The following SMIM7 variants were observed in gnomAD, a reference collection of about 807,000 sequenced individuals.
SMIM7 encodes the protein UPF0608 protein C19orf42.
SMIM7 carries 12 observed loss-of-function variants against 13.3 expected under a neutral mutation model. The observed-to-expected ratio is 0.90, with a 90% confidence interval of 0.58 to 1.46. The LOEUF (loss-of-function observed/expected upper bound fraction) is 1.46. Among genes scored for constraint, SMIM7 ranks in the 40% most tolerant of loss-of-function variants. The probability of loss-of-function intolerance (pLI) is 0.00; values close to 1 mark genes in which losing one functional copy is unlikely to be tolerated. For missense variants in SMIM7, 114 were observed against 94.8 expected, an observed-to-expected ratio of 1.20 and a Z score of -0.84; for synonymous variants, 36 against 35.8, an observed-to-expected ratio of 1.01 and a Z score of -0.02.
At chr19:16,659,074 G>C in intron 3 of SMIM7, 1 of 374,568 alleles carries the variant, frequency 2.7e-6, no homozygotes, top group Non-Finnish European at 5.0e-6. Context: ...CTTGAACCCA[G>C]GAGTTCGAGA....
rs1019406784 is a variant in SMIM7 at position 16,647,132 on chromosome 19, C to T, written c.*114G>A. 6 of 1,436,992 alleles carry T rather than the reference C, an allele frequency of 4.2e-6. No individual in the cohort carries two copies. Among genetic ancestry groups the T allele is most frequent in the South Asian group, 1.2e-5 (1 of 84,638 alleles). The allele number at this position is 1,436,992 out of a possible 1,614,324, so 89.0% of individuals were successfully genotyped here. A position where few individuals can be genotyped will look rare whatever the true frequency, so the allele number is the denominator to read the frequency against. ...CTTTTCCACCCACCACGAGCTTGGA[C>T]TTTCTGGGAAGGTTGTCGGTTTTCT... On this transcript the variant is annotated 3_prime_UTR_variant, in exon 5 of 5. Coordinates refer to ENST00000487416, the MANE Select transcript of SMIM7 (RefSeq NM_024104.4).
At chr19:16,641,928 T>G (rs1028530538), downstream of SMIM7, among the ~76,000 whole-genome samples, 3 of 152,228 alleles carry the variant, frequency 2.0e-5, no homozygotes, top group African/African-American at 7.2e-5. Flanking sequence ...AGACATGCCC[T>G]CTGGGCTGTA....
chr19:16,652,770 G>C, intron 4 of SMIM7: 1 of 1,503,808 alleles, frequency 6.6e-7, no homozygotes. Context: ...ACTCAGGACA[G>C]ACAACTTTTT....
At position 16,654,023 on chromosome 19, in the gene SMIM7, G is replaced by A; in HGVS notation, c.212+12C>T. On this transcript the variant is annotated intron_variant, in intron 4 of 4. Transcript: ENST00000487416. ...GAGACGACAGTGAAAGGAAAGGGCA[G>A]GCTGGACTCACACAATCATGCAGAA... 1.2e-6 allele frequency: 2 copies of A among 1,612,144 alleles called. No homozygotes were observed. The highest frequency in any genetic ancestry group is 2.2e-5 in the South Asian group (2 of 90,852).
At chr19:16,655,318 T>G in intron 3 of SMIM7, 1 of 456,154 alleles carries the variant, frequency 2.2e-6, no homozygotes, top group Non-Finnish European at 4.4e-6. Flanking sequence ...GAGACCTGGG[T>G]TCTAGACCCT....
At chr19:16,637,656 C>T (rs1182801882) in intron 4 of SMIM7, among the ~76,000 whole-genome samples, 1 of 152,186 alleles carries the variant, frequency 6.6e-6, no homozygotes, top group Non-Finnish European at 1.5e-5. Context: ...ACACAAATGC[C>T]TTCCTCTGCA....
intron 4 of SMIM7, chr19:16,652,869 C>T: frequency 1.3e-6 from 2 of 1,550,520 alleles, no homozygotes; most frequent in Non-Finnish European, 1.7e-6. Context: ...TTCCTAAATC[C>T]ATTTACAGCA....
rs748697754 is a variant in SMIM7, at chr19:16,659,984, C to G, written c.43G>C (p.Ala15Pro). Residue 15 changes from alanine (A) to proline (P), a missense_variant, in exon 2 of 5, where the codon GCC becomes CCC. By Grantham distance (27) the Ala-to-Pro change is conservative (BLOSUM62 -1). Coordinates refer to ENST00000487416, the MANE Select transcript of SMIM7 (RefSeq NM_024104.4). ...AGCTTAAAGTTCAGCACCGCCCCGG[C>G]ATTCATCAGCAACGTCCTGCAGAGG... ...ILLFGTLLMN[A>P]GAVLNFKLKK... The G allele has an allele frequency of 8.1e-6, 13 of 1,613,692 alleles. No individual in the cohort carries two copies. Among genetic ancestry groups the G allele is most frequent in the Non-Finnish European group, 1.0e-5 (12 of 1,179,874 alleles).
At chr19:16,638,590 G>A (rs2086378737) in intron 4 of SMIM7, among the ~76,000 whole-genome samples, 2 of 152,020 alleles carry the variant, frequency 1.3e-5, no homozygotes, top group South Asian at 4.1e-4. Flanking sequence ...TTACAGGCAT[G>A]AGCCACCGTG....
chr19:16,654,421 G>C (rs2086570793), intron 3 of SMIM7, among the ~76,000 whole-genome samples: 1 of 152,204 alleles, frequency 6.6e-6, no homozygotes, highest in Non-Finnish European at 1.5e-5. Context: ...CAACTACTGG[G>C]AAAGAGATAC....
chr19:16,644,347 C>T (rs969001065), downstream of SMIM7, among the ~76,000 whole-genome samples: 3 of 151,510 alleles, frequency 2.0e-5, no homozygotes, highest in South Asian at 6.2e-4. Context: ...GTCTCGAACT[C>T]CTGACCACAG....
chr19:16,633,058 T>C (rs2086333212), intron 4 of SMIM7, among the ~76,000 whole-genome samples: 2 of 152,082 alleles, frequency 1.3e-5, no homozygotes, highest in Non-Finnish European at 2.9e-5. Context: ...TTCCCCACAA[T>C]GGGAAGGTTA....
intron 3 of SMIM7, chr19:16,655,140 T>C (rs755149820): frequency 7.7e-5 from 26 of 339,086 alleles, no homozygotes; most frequent in Admixed American, 5.2e-4. Flanking sequence ...ATGTTTCAAT[T>C]TGCTTTAACC....
At chr19:16,659,158 C>T (rs1368850553) in intron 3 of SMIM7, 9 of 585,572 alleles carry the variant, frequency 1.5e-5, no homozygotes, top group Non-Finnish European at 2.4e-5. Flanking sequence ...TGGCACACAC[C>T]TGTAATCCCA....
chr19:16,657,063 A>G (rs2086605366), intron 3 of SMIM7, among the ~76,000 whole-genome samples: 1 of 152,132 alleles, frequency 6.6e-6, no homozygotes, highest in Admixed American at 6.5e-5. Context: ...TGCACTATCT[A>G]TGTGCATTCC....
At chr19:16,636,755 C>T (rs1458186531) in intron 4 of SMIM7, among the ~76,000 whole-genome samples, 1 of 151,920 alleles carries the variant, frequency 6.6e-6, no homozygotes, top group African/African-American at 2.4e-5. Flanking sequence ...AGTTCAAGAC[C>T]AGCCTGGGCA....
In SMIM7 at chr19:16,649,316, G is replaced by A. The variant is rs149927047; in HGVS notation, c.213-2055C>T. Among the ~76,000 whole-genome samples, 429 of 152,264 alleles carry A rather than the reference G, an allele frequency of 2.8e-3. 2 individuals carry two copies. Among genetic ancestry groups the A allele is most frequent in the African/African-American group, 9.5e-3 (394 of 41,558 alleles). On this transcript the variant is annotated intron_variant, in intron 4 of 4. Transcript: ENST00000487416. ...GTTTCAGCCAGGCGCAGTGGTTCAC[G>A]CCTATAATCCCAGCACTTTGGGAGG...
intron 3 of SMIM7, 89 bp downstream of exon 3, chr19:16,659,306 A>T: frequency 3.2e-4 from 272 of 851,800 alleles, no homozygotes; most frequent in Non-Finnish European, 4.6e-4. Context: ...AAAAAAAAAG[A>T]GAAAGAAAGA....
rs746372765 is a variant in SMIM7, at chr19:16,660,138, C to G, written c.-28G>C. The G allele has an allele frequency of 4.8e-5, 78 of 1,613,788 alleles. No homozygotes were observed. Among genetic ancestry groups the G allele is most frequent in the Middle Eastern group, 3.3e-4 (2 of 6,084 alleles). On this transcript the variant is annotated 5_prime_UTR_variant, in exon 1 of 5. Coordinates refer to ENST00000487416, the MANE Select transcript of SMIM7 (RefSeq NM_024104.4). Reference sequence around the variant, plus strand: ...TTACGGCCGAAGCGTCCGTCAGAACCGGAAGCGGAAGCCCCAGGGAGGGAG... The same window carrying G: ...TTACGGCCGAAGCGTCCGTCAGAACGGGAAGCGGAAGCCCCAGGGAGGGAG...
Sources: allele counts gnomAD v4.1 joint callset (sites outside exome capture counted in the v4.1 genomes callset), GRCh38; gene constraint gnomAD v4.1.1; transcripts MANE v1.5; gene names NCBI Gene and HGNC (gene_info 2026-07-23, HGNC 2026-07-21).